The following CSTPP1 variants were observed in gnomAD, a reference collection of about 807,000 sequenced individuals.
CSTPP1 encodes the protein UPF0705 protein C11orf49.
the CSTPP1 span, among the ~76,000 whole-genome samples, chr11:47,016,839 CTTT>C: frequency 1.0e-5 from 1 of 99,840 alleles, no homozygotes; most frequent in Admixed American, 1.3e-4. Context: ...TCATTTAGTA[CTTT>C]TTTTTTTTTT....
chr11:47,142,112 G>A, the CSTPP1 span, among the ~76,000 whole-genome samples: 3 of 151,544 alleles, frequency 2.0e-5, no homozygotes, highest in African/African-American at 7.3e-5. Flanking sequence ...GCGTGGTGAT[G>A]CACGCCAGTA....
chr11:46,975,615 G>C, the CSTPP1 span, among the ~76,000 whole-genome samples: 5 of 152,060 alleles, frequency 3.3e-5, no homozygotes, highest in African/African-American at 1.2e-4. Context: ...TGCTTGCTTT[G>C]TACAAATGAA....
the CSTPP1 span, chr11:47,052,464 G>A: frequency 3.1e-6 from 5 of 1,614,012 alleles, no homozygotes; most frequent in Non-Finnish European, 4.2e-6. Flanking sequence ...CCACAATAGG[G>A]TATCATTTTT....
the CSTPP1 span, among the ~76,000 whole-genome samples, chr11:47,114,410 T>C: frequency 6.6e-6 from 1 of 152,352 alleles, no homozygotes; most frequent in Admixed American, 6.5e-5. Context: ...TTGATGGGGA[T>C]GGCAGTGAAT....
At chr11:47,012,863 C>T in the CSTPP1 span, among the ~76,000 whole-genome samples, 2 of 151,656 alleles carry the variant, frequency 1.3e-5, no homozygotes, top group Admixed American at 1.3e-4. Flanking sequence ...TTTTATACTA[C>T]CGAGGTCAGG....
the CSTPP1 span, among the ~76,000 whole-genome samples, chr11:46,974,326 G>A: frequency 3.3e-5 from 5 of 151,854 alleles, no homozygotes; most frequent in Admixed American, 6.6e-5. Context: ...TCAAGAGTTC[G>A]AGACCAGCCT....
chr11:47,058,176 A>G, the CSTPP1 span, among the ~76,000 whole-genome samples: 1 of 152,134 alleles, frequency 6.6e-6, no homozygotes, highest in African/African-American at 2.4e-5. Context: ...TCTACAAAAA[A>G]TTTAAAAAAT....
the CSTPP1 span, among the ~76,000 whole-genome samples, chr11:46,993,537 C>T: frequency 6.6e-6 from 1 of 151,996 alleles, no homozygotes; most frequent in East Asian, 1.9e-4. Context: ...ATAGGGAATC[C>T]TTTCCCCATT....
chr11:47,057,500 T>G, the CSTPP1 span, among the ~76,000 whole-genome samples: 1 of 152,130 alleles, frequency 6.6e-6, no homozygotes, highest in Non-Finnish European at 1.5e-5. Context: ...CCACTAACAA[T>G]GAGAAAATCA....
the CSTPP1 span, among the ~76,000 whole-genome samples, chr11:47,038,015 G>A: frequency 1.8e-4 from 21 of 119,488 alleles, 2 homozygotes; most frequent in Middle Eastern, 4.9e-3. Flanking sequence ...GCGGCTGGCC[G>A]GGCAGAGGGG....
chr11:46,964,195 C>T, the CSTPP1 span, among the ~76,000 whole-genome samples: 1 of 152,052 alleles, frequency 6.6e-6, no homozygotes, highest in Admixed American at 6.6e-5. Flanking sequence ...GCTTTTTTCC[C>T]TCCGTCTAGC....
chr11:46,961,965 A>G, the CSTPP1 span, among the ~76,000 whole-genome samples: 1 of 152,338 alleles, frequency 6.6e-6, no homozygotes, highest in South Asian at 2.1e-4. Flanking sequence ...GAAGTTTACA[A>G]TCATGGCAGA....
At chr11:47,020,322 T>C in the CSTPP1 span, among the ~76,000 whole-genome samples, 1 of 152,200 alleles carries the variant, frequency 6.6e-6, no homozygotes, top group Non-Finnish European at 1.5e-5. Context: ...TTTTATAAAA[T>C]AATGTATTTA....
At chr11:47,100,924 T>C in the CSTPP1 span, among the ~76,000 whole-genome samples, 5 of 152,150 alleles carry the variant, frequency 3.3e-5, no homozygotes, top group African/African-American at 1.2e-4. Flanking sequence ...GGTGCAGACC[T>C]TCTTGACAGC....
At chr11:46,941,600 A>G in the CSTPP1 span, among the ~76,000 whole-genome samples, 3 of 152,124 alleles carry the variant, frequency 2.0e-5, no homozygotes, top group Non-Finnish European at 4.4e-5. Flanking sequence ...TTAGCCTCCC[A>G]AAGTGCTGGG....
At chr11:47,137,681 A>G in the CSTPP1 span, 1 of 1,614,174 alleles carries the variant, frequency 6.2e-7, no homozygotes, top group South Asian at 1.1e-5. Flanking sequence ...TGTTTGCTGC[A>G]ATTACTGTGT....
the CSTPP1 span, among the ~76,000 whole-genome samples, chr11:47,122,091 A>AAAAAAAAAAAAAAAAAAAAAT: frequency 3.1e-5 from 1 of 31,836 alleles, no homozygotes; most frequent in Non-Finnish European, 6.4e-5. Flanking sequence ...AAAAAAAAAA[A>AAAAAAAAAAAAAAAAAAAAAT]ATATATATAT....
At chr11:47,006,755 A>ATTTT in the CSTPP1 span, among the ~76,000 whole-genome samples, 12 of 129,898 alleles carry the variant, frequency 9.2e-5, no homozygotes, top group South Asian at 2.5e-4. Flanking sequence ...CACTCAGCTA[A>ATTTT]TTTTTTTTTT....
the CSTPP1 span, among the ~76,000 whole-genome samples, chr11:47,037,844 C>G: frequency 9.4e-5 from 12 of 128,056 alleles, 1 homozygote; most frequent in African/African-American, 2.2e-4. Context: ...CCCTTCCCCC[C>G]TTTCTATTCC....
Sources: allele counts gnomAD v4.1 joint callset (sites outside exome capture counted in the v4.1 genomes callset), GRCh38; gene constraint gnomAD v4.1.1; transcripts MANE v1.5; gene names NCBI Gene and HGNC (gene_info 2026-07-23, HGNC 2026-07-21).